Variants in FYB2 observed in about 807,000 individuals in gnomAD.
The protein encoded by FYB2 is FYN binding protein 2, also known as FYN-binding protein 2.
In FYB2, 103 loss-of-function variants were observed where a neutral mutation model predicts 94.1. That is an observed-to-expected ratio of 1.09 (90% confidence interval 0.93 to 1.29). The LOEUF is 1.29. Among genes scored for constraint, FYB2 ranks in the 50% most tolerant of loss-of-function variants. The probability of loss-of-function intolerance (pLI) is 0.00; values close to 1 mark genes in which losing one functional copy is unlikely to be tolerated. For synonymous variants in FYB2, 293 were observed against 287.9 expected, an observed-to-expected ratio of 1.02 and a Z score of -0.18; for missense variants, 896 against 841.5, an observed-to-expected ratio of 1.06 and a Z score of -0.80.
chr1:56,820,435 G>C (rs1646977878), upstream of FYB2, among the ~76,000 whole-genome samples: 1 of 152,202 alleles, frequency 6.6e-6, no homozygotes, highest in Admixed American at 6.5e-5. Context: ...CAGTTTTGGG[G>C]CTTTCAGCTC....
chr1:56,783,784 T>A lies in FYB2; in HGVS notation c.953+3391A>T, dbSNP rs539118363. 1.1e-4 allele frequency among the ~76,000 whole-genome samples: 16 copies of A among 152,280 alleles called. 1 individual carries two copies. The South Asian group carries it at 1.7e-3, about 16-fold the overall frequency. On this transcript the variant is annotated intron_variant, in intron 4 of 19. Transcript: ENST00000343433. ...TAAATGTTTGGCCCATAGTGGATGC[T>A]CAATAAATACATGTTGAATGAATAG...
At chr1:56,748,503 A>T (rs1474044464) in intron 9 of FYB2, among the ~76,000 whole-genome samples, 2 of 152,050 alleles carry the variant, frequency 1.3e-5, no homozygotes, top group East Asian at 3.9e-4. Context: ...TCAAACAGGA[A>T]ATCCTTTCCT....
At chr1:56,817,527 C>T (rs1312706857) in intron 1 of FYB2, among the ~76,000 whole-genome samples, 1 of 152,164 alleles carries the variant, frequency 6.6e-6, no homozygotes, top group Non-Finnish European at 1.5e-5. Context: ...TCTTCTCTCA[C>T]TAGAATATGA....
At chr1:56,745,690 A>T (rs145659623) in intron 9 of FYB2, among the ~76,000 whole-genome samples, 13 of 152,188 alleles carry the variant, frequency 8.5e-5, no homozygotes, top group African/African-American at 3.1e-4. Context: ...CAGAAGCCAG[A>T]TGATTTTTTA....
At chr1:56,721,555 TC>T (rs1644485881) in intron 17 of FYB2, among the ~76,000 whole-genome samples, 1 of 151,796 alleles carries the variant, frequency 6.6e-6, no homozygotes, top group Admixed American at 6.6e-5. Flanking sequence ...AAAATACAAA[TC>T]TAATTGGTCA....
chr1:56,753,045 T>C (rs1158107765), intron 8 of FYB2, among the ~76,000 whole-genome samples: 3 of 152,090 alleles, frequency 2.0e-5, no homozygotes, highest in Non-Finnish European at 4.4e-5. Flanking sequence ...ACACCCAACA[T>C]GGTCCAGCCC....
At chr1:56,816,098 G>A (rs113363049) in intron 1 of FYB2, among the ~76,000 whole-genome samples, 9 of 152,290 alleles carry the variant, frequency 5.9e-5, no homozygotes, top group African/African-American at 1.7e-4. Flanking sequence ...CCTGATATCT[G>A]TTAATGAAAA....
Position 56,758,711 on chromosome 1 carries a change from A to G in FYB2, c.1098+5T>C. 10 of 1,588,724 alleles carry G rather than the reference A, an allele frequency of 6.3e-6. No individual in the cohort carries two copies. Among genetic ancestry groups the G allele is most frequent in the East Asian group, 2.3e-5 (1 of 44,122 alleles). On this transcript the variant is annotated splice_donor_5th_base_variant and intron_variant, in intron 6 of 19. Coordinates refer to ENST00000343433, the MANE Select transcript of FYB2 (RefSeq NM_001004303.5). ...AGTTACAATGTTGGTAAGGAGAAACAATACCTTTTGGAGTTCTTCAATTCC... is the reference window on the plus strand; with the variant it reads ...AGTTACAATGTTGGTAAGGAGAAACGATACCTTTTGGAGTTCTTCAATTCC...
At chr1:56,759,992 T>C (rs1318091045) in intron 5 of FYB2, among the ~76,000 whole-genome samples, 3 of 151,218 alleles carry the variant, frequency 2.0e-5, no homozygotes, top group African/African-American at 4.9e-5. Context: ...GGCAGGAGAA[T>C]TGCTTTAACC....
rs80285889 is a variant in FYB2 at position 56,774,045 on chromosome 1, A to G, written c.954-6107T>C. Among the ~76,000 whole-genome samples the G allele has an allele frequency of 3.7e-3, 567 of 152,312 alleles. 5 individuals carry two copies. The highest frequency in any genetic ancestry group is 0.012 in the African/African-American group (487 of 41,582). ...TTAAACTTTTAAAAGTGACATCCATACTAAATAAAATGGATCTCAAAATTC... is the reference window on the plus strand; with the variant it reads ...TTAAACTTTTAAAAGTGACATCCATGCTAAATAAAATGGATCTCAAAATTC... On this transcript the variant is annotated intron_variant, in intron 4 of 19. Coordinates refer to ENST00000343433, the MANE Select transcript of FYB2 (RefSeq NM_001004303.5).
chr1:56,736,935 G>C, intron 15 of FYB2, 152 bp downstream of exon 15: 2 of 646,676 alleles, frequency 3.1e-6, no homozygotes, highest in Non-Finnish European at 5.3e-6. Flanking sequence ...ATGTTATTCA[G>C]TGTTTTCCCC....
Position 56,782,369 on chromosome 1 carries a change from A to AT in FYB2, c.953+4805dup, listed in dbSNP as rs143506646. On this transcript the variant is annotated intron_variant, in intron 4 of 19. Transcript: ENST00000343433. ...CGATGAAAATAAGTACTGTAAATGC[A>AT]TTTTTTTGGTTACAGTGTTGTTGTA... Among the ~76,000 whole-genome samples, 284 of 152,066 alleles carry AT rather than the reference A, an allele frequency of 1.9e-3. 1 individual carries two copies. The highest frequency in any genetic ancestry group is 3.4e-3 in the Non-Finnish European group (234 of 67,990).
chr1:56,775,048 C>T (rs1199584280), intron 4 of FYB2, among the ~76,000 whole-genome samples: 2 of 152,148 alleles, frequency 1.3e-5, no homozygotes, highest in African/African-American at 4.8e-5. Context: ...GGAATTTGGA[C>T]TGGCTTCCTT....
chr1:56,734,395 A>G (rs555255178), intron 15 of FYB2, among the ~76,000 whole-genome samples: 2 of 152,174 alleles, frequency 1.3e-5, no homozygotes, highest in African/African-American at 4.8e-5. Flanking sequence ...TTTAAATAGC[A>G]AAGACTTGGA....
At chr1:56,817,978 C>T (rs1306902464) in intron 1 of FYB2, among the ~76,000 whole-genome samples, 1 of 152,138 alleles carries the variant, frequency 6.6e-6, no homozygotes, top group African/African-American at 2.4e-5. Flanking sequence ...ACCTCATCTA[C>T]AATAAATGGG....
intron 1 of FYB2, among the ~76,000 whole-genome samples, chr1:56,794,983 T>C (rs757377543): frequency 4.6e-5 from 7 of 151,794 alleles, no homozygotes; most frequent in Non-Finnish European, 1.0e-4. Flanking sequence ...TGTGGTAAAA[T>C]ACACATAAAA....
At chr1:56,726,251 C>A (rs857138) in intron 16 of FYB2, among the ~76,000 whole-genome samples, 2 of 151,916 alleles carry the variant, frequency 1.3e-5, no homozygotes, top group African/African-American at 4.8e-5. Context: ...CTTGAAATCT[C>A]TCACTTCCTA....
chr1:56,794,104 T>G (rs1400946608), intron 1 of FYB2, among the ~76,000 whole-genome samples: 1 of 152,192 alleles, frequency 6.6e-6, no homozygotes, highest in Non-Finnish European at 1.5e-5. Flanking sequence ...GCTCTTGCAT[T>G]TTTAACTCCC....
chr1:56,724,980 G>A (rs1337749306), intron 16 of FYB2, among the ~76,000 whole-genome samples: 1 of 151,890 alleles, frequency 6.6e-6, no homozygotes, highest in African/African-American at 2.4e-5. Flanking sequence ...CCTAGAGCCT[G>A]GCATCTCATT....
Sources: gnomAD v4.1 joint callset for allele counts (sites outside exome capture counted in the v4.1 genomes callset) on GRCh38, gnomAD v4.1.1 for gene constraint, MANE v1.5 for transcripts, NCBI Gene and HGNC (gene_info 2026-07-23, HGNC 2026-07-21) for gene names.